DLG2: variants seen among roughly 807,000 people sequenced by gnomAD.
DLG2 encodes discs large MAGUK scaffold protein 2, also known as disks large homolog 2.
A neutral mutation model predicts 132.5 loss-of-function variants in DLG2; 45 were observed. That is an observed-to-expected ratio of 0.34 (90% CI 0.27 to 0.44). The LOEUF (loss-of-function observed/expected upper bound fraction) is 0.44. DLG2 is among the 20% of genes least tolerant of loss of function. The probability of loss-of-function intolerance (pLI) is 1.00; values close to 1 mark genes in which losing one functional copy is unlikely to be tolerated. For missense variants in DLG2, 1,045 were observed against 1,196.9 expected, an observed-to-expected ratio of 0.87 and a Z score of 1.87; for synonymous variants, 424 against 419.6, an observed-to-expected ratio of 1.01 and a Z score of -0.13.
chr11:85,225,410 G>A (rs1344903297), intron 4 of DLG2, among the ~76,000 whole-genome samples: 4 of 151,940 alleles, frequency 2.6e-5, no homozygotes, highest in South Asian at 2.1e-4. Context: ...CAAACTTCCC[G>A]ATCTTTCCTT....
At chr11:84,899,784 G>A (rs544042514) in intron 6 of DLG2, among the ~76,000 whole-genome samples, 31 of 152,146 alleles carry the variant, frequency 2.0e-4, no homozygotes, top group African/African-American at 7.2e-4. Flanking sequence ...TGCATTAGCT[G>A]TTTCCTTTAA....
At chr11:84,775,042 A>G (rs1256073467) in intron 6 of DLG2, among the ~76,000 whole-genome samples, 1 of 152,208 alleles carries the variant, frequency 6.6e-6, no homozygotes, top group Non-Finnish European at 1.5e-5. Context: ...CATCTAACAA[A>G]GGTCTAATAT....
intron 17 of DLG2, among the ~76,000 whole-genome samples, chr11:83,789,578 C>T (rs1417183260): frequency 4.0e-5 from 6 of 151,016 alleles, no homozygotes; most frequent in South Asian, 2.1e-4. Context: ...GACGAAGTCT[C>T]GCTCTGTTGC....
chr11:85,372,977 T>G (rs2085108497), intron 3 of DLG2, among the ~76,000 whole-genome samples: 1 of 152,192 alleles, frequency 6.6e-6, no homozygotes, highest in Admixed American at 6.5e-5. Context: ...AAAAAATGCT[T>G]TATTTTTCCT....
chr11:84,124,034 C>T (rs1162582732), intron 9 of DLG2, among the ~76,000 whole-genome samples: 1 of 152,114 alleles, frequency 6.6e-6, no homozygotes, highest in South Asian at 2.1e-4. Flanking sequence ...AGCAAACTGT[C>T]ATTCAAAAGA....
intron 17 of DLG2, chr11:83,790,559 C>T (rs1471857436): frequency 1.5e-5 from 19 of 1,287,460 alleles, no homozygotes; most frequent in Non-Finnish European, 2.0e-5. Flanking sequence ...AATGACAGAG[C>T]ATACTTTCAG....
At chr11:85,053,624 T>G (rs1257343427) in intron 6 of DLG2, among the ~76,000 whole-genome samples, 2 of 58,432 alleles carry the variant, frequency 3.4e-5, no homozygotes, top group African/African-American at 8.4e-5. Flanking sequence ...CCATCTCTAC[T>G]AAAAATACAA....
intron 7 of DLG2, among the ~76,000 whole-genome samples, chr11:84,262,865 T>C (rs1234379985): frequency 3.9e-5 from 6 of 152,202 alleles, no homozygotes; most frequent in Non-Finnish European, 7.3e-5. Flanking sequence ...ATTCATTCCT[T>C]TTTATGGCTG....
intron 6 of DLG2, among the ~76,000 whole-genome samples, chr11:84,757,526 G>A (rs745944626): frequency 6.6e-6 from 1 of 152,116 alleles, no homozygotes. Context: ...CATGTTGCCT[G>A]AGGCTGACCA....
At chr11:85,403,403 T>C (rs2088385457) in intron 3 of DLG2, among the ~76,000 whole-genome samples, 1 of 151,914 alleles carries the variant, frequency 6.6e-6, no homozygotes, top group Non-Finnish European at 1.5e-5. Context: ...GATGAGTTGA[T>C]GGGTGCAGCA....
At chr11:84,955,865 T>G (rs2051591406) in intron 6 of DLG2, among the ~76,000 whole-genome samples, 1 of 152,214 alleles carries the variant, frequency 6.6e-6, no homozygotes, top group African/African-American at 2.4e-5. Flanking sequence ...ATCCATTAAT[T>G]TATTTTTGGT....
intron 6 of DLG2, among the ~76,000 whole-genome samples, chr11:84,956,430 C>T (rs2051676346): frequency 1.3e-5 from 2 of 152,154 alleles, no homozygotes; most frequent in South Asian, 4.1e-4. Context: ...GTAAACAGTT[C>T]AGATTTGAAC....
intron 17 of DLG2, among the ~76,000 whole-genome samples, chr11:83,791,764 G>C (rs2041622647): frequency 6.6e-6 from 1 of 152,176 alleles, no homozygotes; most frequent in Non-Finnish European, 1.5e-5. Context: ...GGAAGAGCCC[G>C]TCTCCGAAGG....
intron 6 of DLG2, among the ~76,000 whole-genome samples, chr11:85,084,175 A>G (rs1283488382): frequency 3.3e-5 from 5 of 152,332 alleles, no homozygotes; most frequent in Admixed American, 6.5e-5. Flanking sequence ...AAAGGATATT[A>G]TCCATAGAAG....
intron 21 of DLG2, among the ~76,000 whole-genome samples, chr11:83,531,185 T>C (rs915738437): frequency 1.9e-3 from 1 of 528 alleles, no homozygotes; most frequent in Non-Finnish European, 2.3e-3. Context: ...TTAGAACCTT[T>C]TGTGTACCAA....
At chr11:83,588,708 T>C (rs2153276484) in intron 19 of DLG2, among the ~76,000 whole-genome samples, 1 of 151,654 alleles carries the variant, frequency 6.6e-6, no homozygotes, top group East Asian at 2.0e-4. Context: ...CGGGAGGACA[T>C]TCAAACCAAA....
intron 7 of DLG2, among the ~76,000 whole-genome samples, chr11:84,394,618 T>G (rs1336460112): frequency 6.6e-6 from 1 of 152,042 alleles, no homozygotes; most frequent in Non-Finnish European, 1.5e-5. Flanking sequence ...ACCTCTTGCC[T>G]ACTTACTTTT....
intron 6 of DLG2, among the ~76,000 whole-genome samples, chr11:84,620,526 A>C (rs1010079054): frequency 1.3e-5 from 2 of 152,040 alleles, no homozygotes; most frequent in Non-Finnish European, 2.9e-5. Context: ...ACTCTTAAAA[A>C]TCAATAAGAA....
intron 5 of DLG2, among the ~76,000 whole-genome samples, chr11:85,112,567 A>C (rs2072943269): frequency 6.6e-6 from 1 of 152,074 alleles, no homozygotes; most frequent in South Asian, 2.1e-4. Flanking sequence ...TAATATTAAT[A>C]ATCGCCATAA....
Sources: gnomAD v4.1 joint callset for allele counts (sites outside exome capture counted in the v4.1 genomes callset) on GRCh38, gnomAD v4.1.1 for gene constraint, MANE v1.5 for transcripts, NCBI Gene and HGNC (gene_info 2026-07-23, HGNC 2026-07-21) for gene names.